The following RNF180 variants were observed in gnomAD, a reference collection of about 807,000 sequenced individuals.
The protein encoded by RNF180 is ring finger protein 180, also known as E3 ubiquitin-protein ligase RNF180.
In RNF180, 38 loss-of-function variants were observed where a neutral mutation model predicts 59.2. The ratio of observed to expected loss-of-function variants is 0.64; its 90% CI spans 0.50 to 0.84. The LOEUF (loss-of-function observed/expected upper bound fraction) is 0.84, where lower values mean the gene tolerates loss of function less well. Among genes scored for constraint, RNF180 ranks in the 40% least tolerant of loss-of-function variants. RNF180 has a pLI of 0.00. For synonymous variants in RNF180, 262 were observed against 240.3 expected (o/e 1.09, Z -0.84); for missense variants, 705 against 700.9 (o/e 1.01, Z -0.07).
intron 5 of RNF180, among the ~76,000 whole-genome samples, chr5:64,278,146 T>G (rs887713982): frequency 4.6e-5 from 7 of 152,174 alleles, no homozygotes; most frequent in Admixed American, 1.3e-4. Flanking sequence ...AATGTGAGAT[T>G]GCTGAGTGTC....
At chr5:64,349,431 ATTAC>A (rs962928809) in intron 7 of RNF180, among the ~76,000 whole-genome samples, 4 of 135,380 alleles carry the variant, frequency 3.0e-5, no homozygotes, top group African/African-American at 1.1e-4. Context: ...TTGAGTTTCT[ATTAC>A]TTTTTTTTAT....
At chr5:64,334,878 T>C (rs1480055278) in intron 7 of RNF180, among the ~76,000 whole-genome samples, 1 of 152,196 alleles carries the variant, frequency 6.6e-6, no homozygotes, top group Non-Finnish European at 1.5e-5. Flanking sequence ...TGATGTCTCC[T>C]GGAACATAAG....
At chr5:64,363,307 G>A (rs1439008646) in intron 7 of RNF180, among the ~76,000 whole-genome samples, 3 of 151,638 alleles carry the variant, frequency 2.0e-5, no homozygotes, top group South Asian at 4.2e-4. Flanking sequence ...AGTCTTCTAC[G>A]TGTAGCAAGC....
At chr5:64,174,450 A>G (rs892674239) in intron 1 of RNF180, among the ~76,000 whole-genome samples, 3 of 152,166 alleles carry the variant, frequency 2.0e-5, no homozygotes, top group Admixed American at 2.0e-4. Context: ...CTCGTTCTTC[A>G]TATACATTCC....
chr5:64,189,497 A>G (rs545402510), intron 1 of RNF180, among the ~76,000 whole-genome samples: 2 of 152,056 alleles, frequency 1.3e-5, no homozygotes, highest in South Asian at 2.1e-4. Context: ...GAAAAGAAAA[A>G]CCTTGGCTGA....
chr5:64,303,451 A>G (rs943584565), intron 5 of RNF180, among the ~76,000 whole-genome samples: 3 of 151,674 alleles, frequency 2.0e-5, no homozygotes, highest in African/African-American at 7.2e-5. Context: ...AAGCAAAGAA[A>G]AAGTTCTTGA....
intron 5 of RNF180, among the ~76,000 whole-genome samples, chr5:64,252,730 C>T (rs1253279718): frequency 6.6e-6 from 1 of 152,024 alleles, no homozygotes; most frequent in Non-Finnish European, 1.5e-5. Context: ...AGATCAAGGA[C>T]ATATCTGAGA....
intron 5 of RNF180, among the ~76,000 whole-genome samples, chr5:64,272,459 G>T (rs558430800): frequency 1.2e-3 from 187 of 152,122 alleles, no homozygotes; most frequent in Non-Finnish European, 2.2e-3. Flanking sequence ...TGGGTGGTGA[G>T]AGATGAAATA....
chr5:64,352,380 G>C (rs1309105991), intron 7 of RNF180, among the ~76,000 whole-genome samples: 2 of 151,800 alleles, frequency 1.3e-5, no homozygotes, highest in African/African-American at 4.8e-5. Flanking sequence ...TTTTTTGAAG[G>C]GTTTTTTCTG....
chr5:64,214,237 C>A lies in RNF180; in HGVS notation c.911C>A (p.Thr304Lys). 6.2e-7 allele frequency: 1 copy of A among 1,614,020 alleles called. No homozygotes were observed. Among genetic ancestry groups the A allele is most frequent in the East Asian group, 2.2e-5 (1 of 44,864 alleles). The change falls in exon 4 of 8, where the codon ACA becomes AAA. Residue 304 changes from threonine (T) to lysine (K), a missense_variant. Physicochemically the swap from Thr to Lys is moderately conservative, Grantham distance 78. Coordinates refer to ENST00000389100, the MANE Select transcript of RNF180 (RefSeq NM_001113561.2). ...TCAGTGGCCCCCCATGAGACCCAGA[C>A]ACAAAGAGGAGGAGAATTTCAGTGT... ...RFSVAPHETQTQRGGEFQCGL... is the reference protein window; with the variant it reads ...RFSVAPHETQKQRGGEFQCGL...
chr5:64,199,809 A>T (rs142362553), intron 1 of RNF180, among the ~76,000 whole-genome samples: 1 of 152,308 alleles, frequency 6.6e-6, no homozygotes, highest in African/African-American at 2.4e-5. Context: ...ATTGTTATGT[A>T]TTAGTGTGAA....
intron 1 of RNF180, among the ~76,000 whole-genome samples, chr5:64,175,541 C>G (rs567727057): frequency 6.6e-6 from 1 of 152,100 alleles, no homozygotes; most frequent in Non-Finnish European, 1.5e-5. Context: ...TATTTTGAAG[C>G]CAGATAATAT....
chr5:64,279,148 GAGTT>G (rs1741875296), intron 5 of RNF180, among the ~76,000 whole-genome samples: 2 of 152,174 alleles, frequency 1.3e-5, no homozygotes, highest in Non-Finnish European at 2.9e-5. Flanking sequence ...GAAAAACAAA[GAGTT>G]AGAAGCTAAA....
chr5:64,258,425 A>C (rs1744116012), intron 5 of RNF180, among the ~76,000 whole-genome samples: 1 of 152,146 alleles, frequency 6.6e-6, no homozygotes, highest in Non-Finnish European at 1.5e-5. Context: ...GAGTTACTGA[A>C]CCAATAAAAT....
chr5:64,366,255 G>T (rs1337316471), intron 7 of RNF180, among the ~76,000 whole-genome samples: 1 of 151,500 alleles, frequency 6.6e-6, no homozygotes, highest in Non-Finnish European at 1.5e-5. Flanking sequence ...TGAAATTCGT[G>T]GTTGAATTTC....
chr5:64,250,746 G>T (rs1743513262), intron 5 of RNF180, among the ~76,000 whole-genome samples: 1 of 152,118 alleles, frequency 6.6e-6, no homozygotes, highest in Admixed American at 6.6e-5. Context: ...CCTAGGACCT[G>T]ATGGCTTCAC....
chr5:64,365,363 G>A (rs1272881177), intron 7 of RNF180, among the ~76,000 whole-genome samples: 1 of 151,568 alleles, frequency 6.6e-6, no homozygotes, highest in Non-Finnish European at 1.5e-5. Flanking sequence ...CTGTGGTCCA[G>A]GGGTGTGGAT....
intron 5 of RNF180, among the ~76,000 whole-genome samples, chr5:64,276,659 A>G (rs986043513): frequency 3.3e-5 from 5 of 151,990 alleles, no homozygotes; most frequent in African/African-American, 9.7e-5. Context: ...CTACCTAGAA[A>G]TCAGAAACTA....
intron 7 of RNF180, among the ~76,000 whole-genome samples, chr5:64,333,217 G>A (rs369520755): frequency 1.2e-4 from 18 of 151,832 alleles, no homozygotes; most frequent in Non-Finnish European, 1.3e-4. Flanking sequence ...TGGCTCTATC[G>A]CCCAGGCTAG....
Sources: allele counts gnomAD v4.1 joint callset (sites outside exome capture counted in the v4.1 genomes callset), GRCh38; gene constraint gnomAD v4.1.1; transcripts MANE v1.5; gene names NCBI Gene and HGNC (gene_info 2026-07-23, HGNC 2026-07-21).